Variants in BLK observed in about 807,000 individuals in gnomAD.
BLK encodes the protein tyrosine-protein kinase Blk.
BLK carries 64 observed loss-of-function variants against 61.8 expected under a neutral mutation model. That is an observed-to-expected ratio of 1.03 (90% CI 0.85 to 1.27). BLK has a LOEUF of 1.27. BLK is among the 50% of genes most tolerant of loss of function. The pLI is 0.00. For synonymous variants in BLK, 351 were observed against 272.0 expected (o/e 1.29, Z -2.86); for missense variants, 853 against 660.5 (o/e 1.29, Z -3.19).
chr8:11,525,745 GTTTT>G (rs1799628999), intron 1 of BLK, among the ~76,000 whole-genome samples: 1 of 152,094 alleles, frequency 6.6e-6, no homozygotes, highest in Admixed American at 6.6e-5. Flanking sequence ...CTTTTGTGGG[GTTTT>G]TTGTTTTTTC....
intron 1 of BLK, among the ~76,000 whole-genome samples, chr8:11,524,327 T>C (rs904059116): frequency 2.0e-5 from 3 of 152,218 alleles, no homozygotes; most frequent in African/African-American, 7.2e-5. Context: ...ACAACGATTT[T>C]CCATTGGTGG....
intron 1 of BLK, among the ~76,000 whole-genome samples, chr8:11,535,312 GAA>G (rs1318860022): frequency 4.5e-5 from 6 of 134,100 alleles, no homozygotes; most frequent in Admixed American, 7.2e-5. Context: ...AAGAAAGAAA[GAA>G]AGAAAGAAAG....
At chr8:11,546,008 G>A (rs747992550) in intron 2 of BLK, 44 bp from the exon 3 acceptor site, 8 of 1,603,396 alleles carry the variant, frequency 5.0e-6, no homozygotes, top group East Asian at 2.2e-5. Flanking sequence ...CCCCACCCAC[G>A]CAGCAGGGAC....
intron 1 of BLK, among the ~76,000 whole-genome samples, chr8:11,535,689 C>T (rs1253075003): frequency 6.6e-6 from 1 of 152,192 alleles, no homozygotes; most frequent in Non-Finnish European, 1.5e-5. Context: ...ATGCCTGAGC[C>T]TCGACCTATC....
chr8:11,525,432 C>G (rs1799616824), intron 1 of BLK, among the ~76,000 whole-genome samples: 1 of 152,104 alleles, frequency 6.6e-6, no homozygotes, highest in South Asian at 2.1e-4. Flanking sequence ...TTAATAGACT[C>G]CTTTTTTTAA....
chr8:11,533,961 C>G (rs1025898481), intron 1 of BLK, among the ~76,000 whole-genome samples: 2 of 152,232 alleles, frequency 1.3e-5, no homozygotes, highest in African/African-American at 4.8e-5. Flanking sequence ...GCGGGCCTGC[C>G]TTTCAATCCT....
intron 1 of BLK, among the ~76,000 whole-genome samples, chr8:11,516,282 A>G (rs77072957): frequency 0.11 from 16,681 of 152,268 alleles, 1,191 homozygotes; most frequent in Non-Finnish European, 0.16. Flanking sequence ...CACAGTAACA[A>G]AGAACAGAAA....
rs1304087037 is a variant in BLK, at chr8:11,561,514, C to T, written c.1180+62C>T. The T allele has an allele frequency of 3.2e-6, 5 of 1,580,528 alleles. No individual in the cohort carries two copies. In the South Asian group the frequency reaches 4.6e-5, roughly 15 times the overall value. Reference sequence around the variant, plus strand: ...CCTTATCTTTCCCAGCTCCTCAAAGCCGCCTTTAACTTCTCCCAGCACAGC... The same window carrying T: ...CCTTATCTTTCCCAGCTCCTCAAAGTCGCCTTTAACTTCTCCCAGCACAGC... On this transcript the variant is annotated intron_variant, in intron 11 of 12. Transcript: ENST00000259089.
chr8:11,559,406 C>CACACAG (rs761002422), intron 10 of BLK, among the ~76,000 whole-genome samples: 2 of 131,612 alleles, frequency 1.5e-5, no homozygotes, highest in African/African-American at 5.6e-5. Context: ...GACACACACA[C>CACACAG]AGACACACAG....
chr8:11,527,448 C>T (rs750585159), intron 1 of BLK, among the ~76,000 whole-genome samples: 1 of 151,960 alleles, frequency 6.6e-6, no homozygotes, highest in African/African-American at 2.4e-5. Flanking sequence ...AGAACCATAG[C>T]TTTGCCTTAT....
chr8:11,552,890 A>C (rs12678951), intron 6 of BLK: 83,837 of 152,466 alleles, frequency 0.55, 25,156 homozygotes, highest in East Asian at 0.95. Context: ...CACCACACGC[A>C]CATACACATG....
chr8:11,504,377 AAAAG>A (rs1798685605), intron 1 of BLK, among the ~76,000 whole-genome samples: 1 of 60,592 alleles, frequency 1.7e-5, no homozygotes, highest in Admixed American at 1.4e-4. Flanking sequence ...GAAAGAAAAG[AAAAG>A]AAAAGAAAAG....
At chr8:11,499,187 T>G (rs1798468885) in intron 1 of BLK, among the ~76,000 whole-genome samples, 1 of 152,210 alleles carries the variant, frequency 6.6e-6, no homozygotes, top group South Asian at 2.1e-4. Flanking sequence ...GACACAAATA[T>G]TCACCACTGT....
chr8:11,551,498 T>C (rs938006935), intron 6 of BLK, among the ~76,000 whole-genome samples: 16 of 152,186 alleles, frequency 1.1e-4, no homozygotes, highest in Admixed American at 9.2e-4. Flanking sequence ...TCTCCACATA[T>C]AGCCACATTC....
chr8:11,528,261 T>G (rs954656379), intron 1 of BLK, among the ~76,000 whole-genome samples: 2 of 152,144 alleles, frequency 1.3e-5, no homozygotes, highest in Non-Finnish European at 2.9e-5. Context: ...GGTCTAGAAC[T>G]CCTGAGCTCA....
chr8:11,552,893 T>TGCACACATGAAC (rs1324596924), intron 6 of BLK: 2 of 152,472 alleles, frequency 1.3e-5, no homozygotes, highest in African/African-American at 2.4e-5. Flanking sequence ...CACACGCACA[T>TGCACACATGAAC]ACACATGCAC....
chr8:11,521,364 C>T lies in BLK; in HGVS notation c.-1-21860C>T, dbSNP rs115405629. 2.4e-3 allele frequency among the ~76,000 whole-genome samples: 365 copies of T among 152,292 alleles called. 2 individuals are homozygous for T. The highest frequency in any genetic ancestry group is 8.4e-3 in the African/African-American group (348 of 41,556). ...GGAGTGCAATGGCACCATTATGGCT[C>T]ACTGCAGCCTTGACTTCCCAGGCTC... On this transcript the variant is annotated intron_variant, in intron 1 of 12. Transcript: ENST00000259089.
At position 11,504,569 on chromosome 8, in the gene BLK, C is replaced by T. The variant is rs777402045; in HGVS notation, c.-2+9978C>T. The stretch of plus-strand genomic sequence containing the variant: ...TGTGTAATGCCATCACAGGGACGTG[C>T]GTTTAAGATCTTTTATCAGTCTTCG... On this transcript the variant is annotated intron_variant, in intron 1 of 12. Transcript: ENST00000259089. 9.2e-5 allele frequency among the ~76,000 whole-genome samples: 14 copies of T among 152,154 alleles called. No homozygotes were observed. In the South Asian group the frequency reaches 1.5e-3, roughly 16 times the overall value.
intron 1 of BLK, among the ~76,000 whole-genome samples, chr8:11,534,087 C>A (rs916664795): frequency 3.3e-5 from 5 of 152,186 alleles, no homozygotes; most frequent in African/African-American, 9.7e-5. Flanking sequence ...ATGCAGATAC[C>A]AGCACTGCTG....
Sources: gnomAD v4.1 joint callset for allele counts (sites outside exome capture counted in the v4.1 genomes callset) on GRCh38, gnomAD v4.1.1 for gene constraint, MANE v1.5 for transcripts, NCBI Gene and HGNC (gene_info 2026-07-23, HGNC 2026-07-21) for gene names.